Variants in PRH1 observed in about 807,000 individuals in gnomAD.
The protein encoded by PRH1 is salivary acidic proline-rich phosphoprotein 1/2.
PRH1 carries 7 observed loss-of-function variants against 7.9 expected under a neutral mutation model. The observed-to-expected ratio is 0.89, with a 90% CI of 0.50 to 1.67. The LOEUF is 1.67. PRH1 is among the 40% of genes most tolerant of loss of function. The pLI, the probability that PRH1 is intolerant of heterozygous loss-of-function variation, is 0.00. For synonymous variants in PRH1, 45 were observed against 80.8 expected (o/e 0.56, Z 2.38); for missense variants, 109 against 223.6 (o/e 0.49, Z 3.27).
In PRH1 at chr12:11,145,822, T is replaced by C. The variant is rs538340121; in HGVS notation, n.40-24642A>G. 5.9e-5 allele frequency among the ~76,000 whole-genome samples: 9 copies of C among 152,318 alleles called. No individual in the cohort carries two copies. In the South Asian group the frequency reaches 1.9e-3, roughly 32 times the overall value. ...ACTCTGAGAAATTCTGCTCTATATC[T>C]CTTTTAATGACAAATGTGTATTCTG... is the stretch of plus-strand genomic sequence containing the variant. On this transcript the variant is annotated intron_variant and non_coding_transcript_variant, in intron 1 of 1. Coordinates refer to the PRH1 transcript ENST00000541175.
chr12:11,108,770 G>A (rs1006151143), intron 1 of PRH1, among the ~76,000 whole-genome samples: 1 of 152,160 alleles, frequency 6.6e-6, no homozygotes, highest in Non-Finnish European at 1.5e-5. Flanking sequence ...GCTAGCTGCA[G>A]AAGTTTTTTG....
chr12:11,034,543 C>T (rs2136108989), intron 1 of PRH1, among the ~76,000 whole-genome samples: 1 of 108,352 alleles, frequency 9.2e-6, no homozygotes, highest in Non-Finnish European at 1.9e-5. Flanking sequence ...TCTAAACATT[C>T]ATTTAGAATT....
intron 1 of PRH1, among the ~76,000 whole-genome samples, chr12:11,150,833 AG>A (rs1167694623): frequency 6.6e-6 from 1 of 152,204 alleles, no homozygotes; most frequent in Non-Finnish European, 1.5e-5. Flanking sequence ...TAATGAAAAA[AG>A]ATATCAGTGA....
chr12:11,169,325 TA>T (rs1947736716), intron 1 of PRH1, among the ~76,000 whole-genome samples: 1 of 152,294 alleles, frequency 6.6e-6, no homozygotes, highest in South Asian at 2.1e-4. Flanking sequence ...CCACCTAAAT[TA>T]TTGCTCCTAT....
intron 1 of PRH1, among the ~76,000 whole-genome samples, chr12:11,164,860 A>T (rs1947524582): frequency 6.6e-6 from 1 of 152,184 alleles, no homozygotes; most frequent in Admixed American, 6.5e-5. Context: ...CAGATTAACT[A>T]CCACAATCAA....
intron 1 of PRH1, among the ~76,000 whole-genome samples, chr12:11,129,754 G>GTATTA (rs1403182700): frequency 6.6e-6 from 1 of 152,276 alleles, no homozygotes; most frequent in Non-Finnish European, 1.5e-5. Flanking sequence ...AATTTGCCTT[G>GTATTA]TAAGAATAAT....
chr12:11,131,609 T>C (rs929922929), intron 1 of PRH1, among the ~76,000 whole-genome samples: 1 of 152,082 alleles, frequency 6.6e-6, no homozygotes, highest in African/African-American at 2.4e-5. Context: ...GTCTTTTATA[T>C]GCTTTTTTAA....
chr12:11,030,818 T>C, intron 1 of PRH1: 1 of 1,614,190 alleles, frequency 6.2e-7, no homozygotes, highest in Non-Finnish European at 8.5e-7. Flanking sequence ...ATCTGAAAGG[T>C]ACACTGCACT....
chr12:10,890,825 A>C (rs1341280064), intron 2 of PRH1, among the ~76,000 whole-genome samples: 2 of 112,742 alleles, frequency 1.8e-5, no homozygotes, highest in Non-Finnish European at 1.8e-5. Context: ...ATGGGAGGGG[A>C]GGGGAGGGTT....
intron 1 of PRH1, among the ~76,000 whole-genome samples, chr12:10,994,984 A>G (rs140029723): frequency 6.6e-6 from 1 of 152,194 alleles, no homozygotes; most frequent in African/African-American, 2.4e-5. Flanking sequence ...CACATCTGAT[A>G]TAGCTGCATC....
chr12:11,079,674 T>C (rs1241834573), intron 1 of PRH1, among the ~76,000 whole-genome samples: 1 of 117,764 alleles, frequency 8.5e-6, no homozygotes, highest in Non-Finnish European at 2.0e-5. Flanking sequence ...AAGGGAAAAA[T>C]AGACAGAGAA....
At chr12:11,090,239 T>C (rs1164209763) in intron 1 of PRH1, among the ~76,000 whole-genome samples, 2 of 116,282 alleles carry the variant, frequency 1.7e-5, no homozygotes, top group East Asian at 2.1e-4. Context: ...GGTTCACAGA[T>C]ACTATTTTAA....
chr12:11,143,065 A>G lies in PRH1; in HGVS notation n.40-21885T>C, dbSNP rs531895839. Among the ~76,000 whole-genome samples, 32 of 152,336 alleles carry G rather than the reference A, an allele frequency of 2.1e-4. No individual in the cohort carries two copies. The South Asian group carries it at 6.4e-3, about 31-fold the overall frequency. On this transcript the variant is annotated intron_variant and non_coding_transcript_variant, in intron 1 of 1. Transcript: ENST00000541175. ...AAAACACAGACTAGTATAACACTGT[A>G]AATGTGGTGTGTAAACCTCGCTAAA...
chr12:10,996,753 TAC>T lies in PRH1; in HGVS notation c.-125-23034_-125-23033del, dbSNP rs1190333069. 4.9e-5 allele frequency: 19 copies of T among 387,230 alleles called. No individual in the cohort carries two copies. In the Admixed American group the frequency reaches 5.9e-4, roughly 12 times the overall value. 24.0% of individuals were successfully genotyped at this position (387,230 alleles called of 1,614,324 possible). A position where few individuals can be genotyped will look rare whatever the true frequency, so the allele number is the denominator to read the frequency against. ...TTAAATTTTCATATACATTCAGACA[TAC>T]ACACACACGCAAATGTATATTATAT... On this transcript the variant is annotated intron_variant, in intron 1 of 3. Coordinates refer to the PRH1 transcript ENST00000539853.
chr12:11,028,197 C>G (rs920863916), intron 1 of PRH1, among the ~76,000 whole-genome samples: 3 of 152,210 alleles, frequency 2.0e-5, no homozygotes, highest in Non-Finnish European at 2.9e-5. Flanking sequence ...TGATGTAAGA[C>G]AGAACAGCAG....
At chr12:10,941,935 C>CT in intron 2 of PRH1, among the ~76,000 whole-genome samples, 1 of 152,230 alleles carries the variant, frequency 6.6e-6, no homozygotes. Context: ...AGTATTCTCC[C>CT]TTTTTTCCTA....
In PRH1 at chr12:11,020,363, GAT is replaced by G. The variant is rs71051554; in HGVS notation, c.-126+26655_-126+26656del. Among the ~76,000 whole-genome samples, 45 of 87,576 alleles carry G rather than the reference GAT, an allele frequency of 5.1e-4. 2 individuals are homozygous for G. The highest frequency in any genetic ancestry group is 1.7e-3 in the African/African-American group (44 of 25,752). 57.5% of individuals were successfully genotyped at this position (87,576 alleles called of 152,430 possible). A position where few individuals can be genotyped will look rare whatever the true frequency, so the allele number is the denominator to read the frequency against. ...GTACTAGGGAGGACGTATGATAAGC[GAT>G]ATATATATATATATATATATATATA... On this transcript the variant is annotated intron_variant, in intron 1 of 3. Transcript: ENST00000539853.
chr12:10,901,745 GA>G lies in PRH1; in HGVS notation c.-58-17471del, dbSNP rs571823560. 2.0e-4 allele frequency among the ~76,000 whole-genome samples: 30 copies of G among 152,188 alleles called. 2 individuals carry two copies. In the South Asian group the frequency reaches 6.2e-3, roughly 32 times the overall value. On this transcript the variant is annotated intron_variant, in intron 2 of 3. Transcript: ENST00000539853. ...CAACCTGTAAGTGCATAAGGCTATA[GA>G]AGCTGGGCAAAAGACCTACCCAGAA...
intron 2 of PRH1, among the ~76,000 whole-genome samples, chr12:10,947,047 A>G (rs1195074658): frequency 6.6e-6 from 1 of 152,148 alleles, no homozygotes; most frequent in Non-Finnish European, 1.5e-5. Context: ...TTTATATCCA[A>G]TTATGTGGTT....
Sources: allele counts gnomAD v4.1 joint callset (sites outside exome capture counted in the v4.1 genomes callset), GRCh38; gene constraint gnomAD v4.1.1; transcripts MANE v1.5; gene names NCBI Gene and HGNC (gene_info 2026-07-23, HGNC 2026-07-21).